The following PRXL2B variants were observed in gnomAD, a reference collection of about 807,000 sequenced individuals.
The protein encoded by PRXL2B is prostamide/prostaglandin F synthase.
A neutral mutation model predicts 24.4 loss-of-function variants in PRXL2B; 26 were observed. The observed-to-expected ratio is 1.07, with a 90% CI of 0.78 to 1.48. The LOEUF is 1.48. Among genes scored for constraint, PRXL2B ranks in the 40% most tolerant of loss-of-function variants. PRXL2B has a pLI of 0.00. For synonymous variants in PRXL2B, 115 were observed against 118.9 expected, an observed-to-expected ratio of 0.97 and a Z score of 0.21; for missense variants, 269 against 264.8, an observed-to-expected ratio of 1.02 and a Z score of -0.11.
In PRXL2B at chr1:2,590,977, G is replaced by A. The variant is rs373302303; in HGVS notation, c.*1550G>A. ...CGGGTGGGCGTGGGCCGCACAGCGCGGCAGGGCCTTGGCTACCACACGCGG... is the reference window on the plus strand; with the variant it reads ...CGGGTGGGCGTGGGCCGCACAGCGCAGCAGGGCCTTGGCTACCACACGCGG... On this transcript the variant is annotated 3_prime_UTR_variant, in exon 7 of 7. Coordinates refer to ENST00000419916, the MANE Select transcript of PRXL2B (RefSeq NM_152371.5). The A allele has an allele frequency of 2.7e-5, 42 of 1,560,896 alleles. No individual in the cohort carries two copies. Among genetic ancestry groups the A allele is most frequent in the East Asian group, 1.2e-4 (5 of 43,060 alleles).
chr1:2,589,548 T>A lies in PRXL2B; in HGVS notation c.*121T>A. The stretch of plus-strand genomic sequence containing the variant: ...GGTCGGGATGCCGAACCTCTCCTGA[T>A]CCGCCGGCAGCAACGAGCCATTAAA... On this transcript the variant is annotated 3_prime_UTR_variant, in exon 7 of 7. Coordinates refer to ENST00000419916, the MANE Select transcript of PRXL2B (RefSeq NM_152371.5). 7.1e-7 allele frequency: 1 copy of A among 1,402,052 alleles called. No homozygotes were observed. The highest frequency in any genetic ancestry group is 9.8e-7 in the Non-Finnish European group (1 of 1,019,222). 86.9% of individuals were successfully genotyped at this position (1,402,052 alleles called of 1,614,324 possible).
intron 3 of PRXL2B, among the ~76,000 whole-genome samples, chr1:2,588,170 C>A (rs1435456192): frequency 6.6e-6 from 1 of 152,156 alleles, no homozygotes; most frequent in Non-Finnish European, 1.5e-5. Context: ...ATGCTCCCTG[C>A]ACCCTCTGTG....
At chr1:2,589,091 G>A in intron 6 of PRXL2B, 51 bp downstream of exon 6, 2 of 1,549,340 alleles carry the variant, frequency 1.3e-6, no homozygotes, top group Non-Finnish European at 1.8e-6. Flanking sequence ...CTGCCCCTAG[G>A]TCCCCTGGGA....
In PRXL2B at chr1:2,586,944, G is replaced by A; in HGVS notation, c.59G>A (p.Gly20Glu). The change falls in exon 1 of 7, where the codon GGG becomes GAG. Residue 20 changes from glycine (G) to glutamate (E), a missense_variant. Coordinates refer to ENST00000419916, the MANE Select transcript of PRXL2B (RefSeq NM_152371.5). ...TGCATCCTGAAGCATGCGGTGACCG[G>A]GGAGGTGAGGCCGGGTGGACGCAGG... The part of the protein sequence containing the change: ...GACILKHAVT[G>E]EAVELRSLWR... 7.6e-7 allele frequency: 1 copy of A among 1,321,452 alleles called. No individual in the cohort carries two copies. Among genetic ancestry groups the A allele is most frequent in the Non-Finnish European group, 9.6e-7 (1 of 1,039,380 alleles). 81.9% of individuals were successfully genotyped at this position (1,321,452 alleles called of 1,614,324 possible).
chr1:2,587,445 C>T lies in PRXL2B; in HGVS notation c.268+150C>T, dbSNP rs1644552595. 1 of 986,162 alleles carries T rather than the reference C, an allele frequency of 1.0e-6. No homozygotes were observed. The highest frequency in any genetic ancestry group is 1.5e-6 in the Non-Finnish European group (1 of 666,692). 61.1% of individuals were successfully genotyped at this position (986,162 alleles called of 1,614,324 possible). ...AGCGTCCCTCATCTCTCCCTGCCTC[C>T]CCGCCCCGCAGCTGGTGGCTGGGTG... On this transcript the variant is annotated intron_variant, in intron 2 of 6. Transcript: ENST00000419916. The surrounding 1 kb of genome is among the most constrained non-coding windows in gnomAD (Gnocchi z 6.1).
Position 2,589,334 on chromosome 1 carries a change from A to T in PRXL2B, c.580-76A>T. 2.5e-6 allele frequency: 4 copies of T among 1,572,892 alleles called. No homozygotes were observed. In the East Asian group the frequency reaches 9.0e-5, roughly 35 times the overall value. On this transcript the variant is annotated intron_variant, in intron 6 of 6. Coordinates refer to ENST00000419916, the MANE Select transcript of PRXL2B (RefSeq NM_152371.5). The stretch of plus-strand genomic sequence containing the variant: ...CCTCTCAGCCTTGGGAGGGCTGGGG[A>T]TTGTCCAAGGGGGCCCTCCAGGCAT...
chr1:2,590,628 A>C lies in PRXL2B; in HGVS notation c.*1201A>C. ...CCACCCTGGTCCCTCCCAGACAAGC[A>C]AGGCCTCTGATTTCTTTGAAGCATT... On this transcript the variant is annotated 3_prime_UTR_variant, in exon 7 of 7. Coordinates refer to ENST00000419916, the MANE Select transcript of PRXL2B (RefSeq NM_152371.5). The C allele has an allele frequency of 6.9e-5, 14 of 202,456 alleles. No individual in the cohort carries two copies. Among genetic ancestry groups the C allele is most frequent in the Middle Eastern group, 1.7e-3 (1 of 598 alleles). The allele number at this position is 202,456 out of a possible 1,614,324, so 12.5% of individuals were successfully genotyped here.
In PRXL2B at chr1:2,587,085, C is replaced by CTG. The variant is rs1644537689; in HGVS notation, c.64-6_64-5insTG. The CTG allele has an allele frequency of 6.6e-7, 1 of 1,511,674 alleles. No homozygotes were observed. Among genetic ancestry groups the CTG allele is most frequent in the African/African-American group, 1.4e-5 (1 of 70,460 alleles). 93.6% of individuals were successfully genotyped at this position (1,511,674 alleles called of 1,614,324 possible). On this transcript the variant is annotated splice_polypyrimidine_tract_variant and splice_region_variant and intron_variant, in intron 1 of 6. Coordinates refer to ENST00000419916, the MANE Select transcript of PRXL2B (RefSeq NM_152371.5). This position sits in a 1 kb window ranked among gnomAD's most constrained non-coding sequence, Gnocchi z 6.1. The stretch of plus-strand genomic sequence containing the variant: ...GGGGCGCGCCCATGACCCAGCCGCC[C>CTG]GGCAGGCCGTGGAGCTGCGGAGCCT...
At position 2,587,024 on chromosome 1, in the gene PRXL2B, TG is replaced by T. The variant is rs996076660; in HGVS notation, c.64-62del. ...GGGCGTCCTGGCAGCGATGGGGTGG[TG>T]GGGGCCGCGGGGCCTGGGCGGGGCT... On this transcript the variant is annotated intron_variant, in intron 1 of 6. Coordinates refer to ENST00000419916, the MANE Select transcript of PRXL2B (RefSeq NM_152371.5). The surrounding 1 kb of genome is among the most constrained non-coding windows in gnomAD (Gnocchi z 6.1). 6.5e-5 allele frequency: 18 copies of T among 277,322 alleles called. No homozygotes were observed. The highest frequency in any genetic ancestry group is 7.4e-5 in the Non-Finnish European group (16 of 217,446). The allele number at this position is 277,322 out of a possible 1,614,324, so 17.2% of individuals were successfully genotyped here.
chr1:2,587,208 C>T lies in PRXL2B; in HGVS notation c.181C>T (p.Leu61=). The T allele has an allele frequency of 6.4e-7, 1 of 1,570,034 alleles. No homozygotes were observed. Among genetic ancestry groups the T allele is most frequent in the African/African-American group, 1.3e-5 (1 of 74,304 alleles). ...AQDLSSLAGL[L]DQHGVRLVGV... is the part of the protein sequence containing the mutation. ...GGACCTCAGCAGCCTTGCTGGGCTC[C>T]TGGACCAACACGGCGTGCGCCTGGT... Residue 61 remains leucine, a synonymous_variant, in exon 2 of 7, where the codon CTG becomes TTG. Transcript: ENST00000419916. This position sits in a 1 kb window ranked among gnomAD's most constrained non-coding sequence, Gnocchi z 6.1.
At position 2,588,948 on chromosome 1, in the gene PRXL2B, G is replaced by A. The variant is rs200164303; in HGVS notation, c.487G>A (p.Val163Ile). 17 of 1,613,174 alleles carry A rather than the reference G, an allele frequency of 1.1e-5. No homozygotes were observed. The South Asian group carries it at 1.3e-4, about 13-fold the overall frequency. The change falls in exon 6 of 7, where the codon GTC becomes ATC. Residue 163 changes from valine to isoleucine, a missense_variant. Physicochemically the swap from Val to Ile is conservative, Grantham distance 29 (BLOSUM62 3). Transcript: ENST00000419916. ...TGGTGATAAAGTGCTCCTGCATTTC[G>A]TCCAGAAGTCCCCAGGCGACTACGT... ...KGGDKVLLHF[V>I]QKSPGDYVPK...
In PRXL2B at chr1:2,591,014, G is replaced by A. The variant is rs1248324768; in HGVS notation, c.*1587G>A. On this transcript the variant is annotated 3_prime_UTR_variant, in exon 7 of 7. Transcript: ENST00000419916. ...GCTACCACACGCGGCATCGCTCCTT[G>A]GGGTGCATGGGGGTGCCCCGGGCAC... 8.7e-6 allele frequency: 14 copies of A among 1,602,122 alleles called. No individual in the cohort carries two copies. In the East Asian group the frequency reaches 2.9e-4, roughly 34 times the overall value.
At position 2,590,892 on chromosome 1, in the gene PRXL2B, G is replaced by A. The variant is rs879340793; in HGVS notation, c.*1465G>A. On this transcript the variant is annotated 3_prime_UTR_variant, in exon 7 of 7. Coordinates refer to ENST00000419916, the MANE Select transcript of PRXL2B (RefSeq NM_152371.5). ...GCAGGCAGGCTTGGCATGGTTGGCCGGGGCGGGACGTACACTGGGTCGCCG... is the reference window on the plus strand; with the variant it reads ...GCAGGCAGGCTTGGCATGGTTGGCCAGGGCGGGACGTACACTGGGTCGCCG... The A allele has an allele frequency of 1.0e-5, 10 of 970,182 alleles. No homozygotes were observed. The highest frequency in any genetic ancestry group is 5.1e-5 in the African/African-American group (3 of 58,496). 60.1% of individuals were successfully genotyped at this position (970,182 alleles called of 1,614,324 possible).
chr1:2,591,062 G>T lies in PRXL2B; in HGVS notation c.*1635G>T. The T allele has an allele frequency of 6.2e-7, 1 of 1,605,742 alleles. No homozygotes were observed. Among genetic ancestry groups the T allele is most frequent in the South Asian group, 1.1e-5 (1 of 89,420 alleles). ...CACAGTGGAACGTGTCTGCGAAGGC[G>T]GCCAGGTTCTGCAGCGACCCCAGTA... On this transcript the variant is annotated 3_prime_UTR_variant, in exon 7 of 7. Coordinates refer to ENST00000419916, the MANE Select transcript of PRXL2B (RefSeq NM_152371.5).
Position 2,587,039 on chromosome 1 carries a change from CTGGGCGGGGCT to C in PRXL2B, c.64-51_64-41del. 1.8e-6 allele frequency: 1 copy of C among 562,700 alleles called. No individual in the cohort carries two copies. The allele number at this position is 562,700 out of a possible 1,614,324, so 34.9% of individuals were successfully genotyped here. ...GATGGGGTGGTGGGGGCCGCGGGGCCTGGGCGGGGCTGGGGGCAACGGGGCGCGCCCATGAC... is the reference window on the plus strand; with the variant it reads ...GATGGGGTGGTGGGGGCCGCGGGGCCGGGGGCAACGGGGCGCGCCCATGAC... On this transcript the variant is annotated intron_variant, in intron 1 of 6. Transcript: ENST00000419916. This position sits in a 1 kb window ranked among gnomAD's most constrained non-coding sequence, Gnocchi z 6.1.
Position 2,588,442 on chromosome 1 carries a change from G to A in PRXL2B, c.373G>A (p.Val125Met), listed in dbSNP as rs773754249. 1 of 1,614,198 alleles carries A rather than the reference G, an allele frequency of 6.2e-7. No homozygotes were observed. The highest frequency in any genetic ancestry group is 8.5e-7 in the Non-Finnish European group (1 of 1,180,038). Residue 125 changes from valine (V) to methionine (M), a missense_variant, in exon 4 of 7, where the codon GTG (valine) becomes ATG (methionine). Coordinates refer to ENST00000419916, the MANE Select transcript of PRXL2B (RefSeq NM_152371.5). ...PAALGKPVRD[V>M]AAKAKAVGIQ... ...AGCTCTGGGGAAGCCCGTGCGTGAT[G>A]TGGCTGCCAAGGTGTGTGCGGGTCA...
upstream of PRXL2B, chr1:2,586,767 A>G: frequency 8.1e-7 from 1 of 1,238,644 alleles, no homozygotes; most frequent in Non-Finnish European, 1.0e-6. Context: ...GGACCGGGGC[A>G]TCTCGGGGCG....
Position 2,587,232 on chromosome 1 carries a change from G to C in PRXL2B, c.205G>C (p.Val69Leu), listed in dbSNP as rs899128712. ...GLLDQHGVRLVGVGPEALGLQ... is the reference protein window; with the variant it reads ...GLLDQHGVRLLGVGPEALGLQ... Reference sequence around the variant, plus strand: ...CCTGGACCAACACGGCGTGCGCCTGGTGGGCGTAGGGCCCGAGGCCCTGGG... The same window carrying C: ...CCTGGACCAACACGGCGTGCGCCTGCTGGGCGTAGGGCCCGAGGCCCTGGG... The change falls in exon 2 of 7, where the codon GTG (valine) becomes CTG (leucine). Residue 69 changes from valine (V) to leucine (L), a missense_variant. Transcript: ENST00000419916. This position sits in a 1 kb window ranked among gnomAD's most constrained non-coding sequence, Gnocchi z 6.1. 4.4e-6 allele frequency: 7 copies of C among 1,575,828 alleles called. No individual in the cohort carries two copies. The South Asian group carries it at 4.6e-5, about 10-fold the overall frequency.
At position 2,589,514 on chromosome 1, in the gene PRXL2B, G is replaced by A. The variant is rs758554467; in HGVS notation, c.*87G>A. The A allele has an allele frequency of 1.3e-6, 2 of 1,599,102 alleles. No homozygotes were observed. The highest frequency in any genetic ancestry group is 3.4e-5 in the Admixed American group (2 of 58,986). On this transcript the variant is annotated 3_prime_UTR_variant, in exon 7 of 7. Transcript: ENST00000419916. ...AAGTCCACTTGGAAGAACTGTTCCG[G>A]AGGCGCTGGGTCGGGATGCCGAACC...
Sources: gnomAD v4.1 joint callset for allele counts (sites outside exome capture counted in the v4.1 genomes callset) on GRCh38, gnomAD v4.1.1 for gene constraint, Gnocchi (gnomAD v3.1) non-coding constraint, MANE v1.5 for transcripts, NCBI Gene and HGNC (gene_info 2026-07-23, HGNC 2026-07-21) for gene names.